The following PCSK5 variants were observed in gnomAD, a reference collection of about 807,000 sequenced individuals.
PCSK5 encodes the protein proprotein convertase subtilisin/kexin type 5, also known as prohormone convertase 5.
Under a neutral mutation model 233.2 loss-of-function variants are expected in PCSK5, and 129 were observed. The observed-to-expected ratio is 0.55, with a 90% CI of 0.48 to 0.64. The LOEUF (loss-of-function observed/expected upper bound fraction) is 0.64. Ranked by LOEUF, PCSK5 falls within the 30% of genes least tolerant of loss-of-function variation. The pLI, the probability that PCSK5 is intolerant of heterozygous loss-of-function variation, is 0.00. For synonymous variants in PCSK5, 825 were observed against 879.2 expected, an observed-to-expected ratio of 0.94 and a Z score of 1.09; for missense variants, 2,076 against 2,430.1, an observed-to-expected ratio of 0.85 and a Z score of 3.06.
Position 76,321,601 on chromosome 9 carries a change from A to G in PCSK5, c.4064A>G (p.Glu1355Gly), listed in dbSNP as rs1829206977. The change falls in exon 31 of 38, where the codon GAG (glutamate) becomes GGG (glycine). Residue 1355 changes from glutamate to glycine, a missense_variant. Transcript: ENST00000674117. ...AVKGVCKHCP[E>G]MCQDCIHEKT... ...AAGGGGGTATGCAAGCATTGCCCAG[A>G]GATGTGTCAGGACTGCATCCATGAG... 6.2e-7 allele frequency: 1 copy of G among 1,612,474 alleles called. No homozygotes were observed. The highest frequency in any genetic ancestry group is 8.5e-7 in the Non-Finnish European group (1 of 1,179,576).
chr9:76,292,158 T>C (rs1004253162), intron 24 of PCSK5, 75 bp from the exon 25 acceptor site: 88 of 839,346 alleles, frequency 1.0e-4, no homozygotes, highest in Non-Finnish European at 1.8e-4. Flanking sequence ...TATCTCAAGC[T>C]ACAGCTTTCA....
At chr9:76,319,662 G>A (rs895600429) in intron 30 of PCSK5, among the ~76,000 whole-genome samples, 1 of 152,026 alleles carries the variant, frequency 6.6e-6, no homozygotes, top group African/African-American at 2.4e-5. Context: ...GGGAGTCAGG[G>A]AACACTCTGC....
rs903611080 is a variant in PCSK5 at position 76,361,203 on chromosome 9, G to A, written c.*2281G>A. 2 of 152,014 alleles carry A rather than the reference G, an allele frequency of 1.3e-5. No individual in the cohort carries two copies. Among genetic ancestry groups the A allele is most frequent in the African/African-American group, 4.8e-5 (2 of 41,386 alleles). 9.4% of individuals were successfully genotyped at this position (152,014 alleles called of 1,614,324 possible). A position where few individuals can be genotyped will look rare whatever the true frequency, so the allele number is the denominator to read the frequency against. On this transcript the variant is annotated 3_prime_UTR_variant, in exon 38 of 38. Transcript: ENST00000674117. ...CTACTAAAAATACAATAAAAATCTG[G>A]GCATGTTGGTGCACACCTGTAATCC...
At chr9:76,278,182 G>A (rs1357718290) in intron 24 of PCSK5, among the ~76,000 whole-genome samples, 1 of 152,176 alleles carries the variant, frequency 6.6e-6, no homozygotes, top group African/African-American at 2.4e-5. Context: ...ACGAGTCTCA[G>A]GAGAGCCAAG....
At chr9:76,023,304 A>G (rs571996690) in intron 3 of PCSK5, among the ~76,000 whole-genome samples, 157 of 152,134 alleles carry the variant, frequency 1.0e-3, no homozygotes, top group Middle Eastern at 3.4e-3. Flanking sequence ...TCCCTTGTTC[A>G]TGCTGGAGAT....
chr9:76,084,855 A>T (rs549737740), intron 7 of PCSK5, among the ~76,000 whole-genome samples: 1 of 152,284 alleles, frequency 6.6e-6, no homozygotes, highest in Non-Finnish European at 1.5e-5. Flanking sequence ...ATTTTAAAGT[A>T]TATATGGCTT....
intron 35 of PCSK5, among the ~76,000 whole-genome samples, chr9:76,343,332 T>TA (rs369044786): frequency 9.6e-6 from 1 of 103,680 alleles, no homozygotes; most frequent in African/African-American, 4.3e-5. Flanking sequence ...ACCTGGGTAA[T>TA]TTGTGTGTGT....
At chr9:76,292,131 T>C in intron 24 of PCSK5, 102 bp from the exon 25 acceptor site, 1 of 732,644 alleles carries the variant, frequency 1.4e-6, no homozygotes. Context: ...TTCATGAAAC[T>C]ATCCCACAGG....
chr9:76,224,072 A>G (rs1444775007), intron 20 of PCSK5, among the ~76,000 whole-genome samples: 1 of 152,180 alleles, frequency 6.6e-6, no homozygotes, highest in Non-Finnish European at 1.5e-5. Flanking sequence ...GGCACAGTTT[A>G]GTTGTCTTAC....
intron 5 of PCSK5, among the ~76,000 whole-genome samples, chr9:76,034,811 G>A (rs965083550): frequency 1.3e-5 from 2 of 152,164 alleles, no homozygotes; most frequent in South Asian, 2.1e-4. Flanking sequence ...AGTTTAGTTC[G>A]GGATATAAAA....
At chr9:75,912,037 GT>G (rs1333964444) in intron 1 of PCSK5, among the ~76,000 whole-genome samples, 1 of 152,094 alleles carries the variant, frequency 6.6e-6, no homozygotes, top group African/African-American at 2.4e-5. Context: ...GAAACAAAAG[GT>G]AAGTCAGATA....
rs1343556395 is a variant in PCSK5, at chr9:76,122,058, C to T, written c.1209-12051C>T. Among the ~76,000 whole-genome samples the T allele has an allele frequency of 9.0e-5, 4 of 44,210 alleles. 2 individuals are homozygous for T. The highest frequency in any genetic ancestry group is 2.4e-4 in the African/African-American group (4 of 16,552). The allele number at this position is 44,210 out of a possible 152,430, so 29.0% of individuals were successfully genotyped here. On this transcript the variant is annotated intron_variant, in intron 9 of 37. Coordinates refer to ENST00000674117, the MANE Select transcript of PCSK5 (RefSeq NM_001372043.1). ...CGGGATGGTCTCGATCTCCTGACCT[C>T]GTGATCCGCCCGCCTCGGCCTCCCA...
chr9:76,080,664 G>A (rs1421513537), intron 7 of PCSK5, among the ~76,000 whole-genome samples: 1 of 152,098 alleles, frequency 6.6e-6, no homozygotes, highest in Non-Finnish European at 1.5e-5. Flanking sequence ...GTACTTTTGT[G>A]TCATGTTCAG....
intron 24 of PCSK5, among the ~76,000 whole-genome samples, chr9:76,275,118 T>G (rs1477022167): frequency 6.6e-6 from 1 of 152,226 alleles, no homozygotes; most frequent in Non-Finnish European, 1.5e-5. Context: ...TTATCCTTTT[T>G]TTAAAAATAT....
chr9:76,255,808 G>A (rs982736738), intron 24 of PCSK5, among the ~76,000 whole-genome samples: 7 of 152,242 alleles, frequency 4.6e-5, no homozygotes, highest in Admixed American at 6.5e-5. Context: ...GCACTCCAGC[G>A]TGGGCAATGG....
intron 2 of PCSK5, among the ~76,000 whole-genome samples, chr9:75,949,587 G>A (rs1824746688): frequency 6.6e-6 from 1 of 151,830 alleles, no homozygotes; most frequent in Non-Finnish European, 1.5e-5. Context: ...GAGTGCAGTG[G>A]CACAATCTCA....
At chr9:76,161,396 G>C (rs1822846702) in intron 12 of PCSK5, among the ~76,000 whole-genome samples, 1 of 151,504 alleles carries the variant, frequency 6.6e-6, no homozygotes, top group South Asian at 2.1e-4. Flanking sequence ...ATTAATGAAA[G>C]TCTCTCCAGC....
chr9:75,898,211 A>C (rs149143591), intron 1 of PCSK5, among the ~76,000 whole-genome samples: 6 of 152,262 alleles, frequency 3.9e-5, no homozygotes, highest in Non-Finnish European at 7.4e-5. Context: ...TATGTAATAT[A>C]CTCAAGTATG....
intron 27 of PCSK5, among the ~76,000 whole-genome samples, chr9:76,299,999 T>C (rs1828555680): frequency 6.6e-6 from 1 of 152,250 alleles, no homozygotes; most frequent in Non-Finnish European, 1.5e-5. Flanking sequence ...CAGGTTCTAA[T>C]TACATATTCT....
Sources: allele counts gnomAD v4.1 joint callset (sites outside exome capture counted in the v4.1 genomes callset), GRCh38; gene constraint gnomAD v4.1.1; transcripts MANE v1.5; gene names NCBI Gene and HGNC (gene_info 2026-07-23, HGNC 2026-07-21).